The following INPP4B variants were observed in gnomAD, a reference collection of about 807,000 sequenced individuals.
The protein encoded by INPP4B is inositol polyphosphate-4-phosphatase type II B.
INPP4B carries 55 observed loss-of-function variants against 122.5 expected under a neutral mutation model. The ratio of observed to expected loss-of-function variants is 0.45; its 90% CI spans 0.36 to 0.56. The LOEUF is 0.56. Ranked by LOEUF, INPP4B falls within the 20% of genes least tolerant of loss-of-function variation. The pLI is 0.00. For synonymous variants in INPP4B, 403 were observed against 388.7 expected (o/e 1.04, Z -0.43); for missense variants, 1,000 against 1,097.7 (o/e 0.91, Z 1.26).
chr4:142,516,773 T>C (rs1185908483), intron 2 of INPP4B, among the ~76,000 whole-genome samples: 1 of 151,818 alleles, frequency 6.6e-6, no homozygotes, highest in Non-Finnish European at 1.5e-5. Flanking sequence ...TTGTTTTTTT[T>C]TTTCCCCCAG....
intron 2 of INPP4B, among the ~76,000 whole-genome samples, chr4:142,633,076 C>A (rs1227233022): frequency 6.6e-6 from 1 of 151,764 alleles, no homozygotes; most frequent in Non-Finnish European, 1.5e-5. Flanking sequence ...TGCAAATAAT[C>A]TCAAAATAAT....
intron 2 of INPP4B, among the ~76,000 whole-genome samples, chr4:142,475,616 C>G (rs1277883915): frequency 6.6e-6 from 1 of 151,976 alleles, no homozygotes; most frequent in Non-Finnish European, 1.5e-5. Flanking sequence ...GGTACAGAAA[C>G]TAGAAGGTAA....
At chr4:142,210,179 A>G (rs1844310656) in intron 12 of INPP4B, among the ~76,000 whole-genome samples, 1 of 152,228 alleles carries the variant, frequency 6.6e-6, no homozygotes, top group Admixed American at 6.5e-5. Flanking sequence ...CATGCTAAAT[A>G]CCAAGCTAAT....
intron 11 of INPP4B, among the ~76,000 whole-genome samples, chr4:142,251,430 A>G (rs1579450771): frequency 6.6e-6 from 1 of 152,324 alleles, no homozygotes; most frequent in East Asian, 1.9e-4. Context: ...GTCAACTTTC[A>G]GGTGAAAAAC....
chr4:142,195,735 G>A (rs975318182), intron 14 of INPP4B, among the ~76,000 whole-genome samples: 6 of 152,108 alleles, frequency 3.9e-5, no homozygotes, highest in Non-Finnish European at 8.8e-5. Flanking sequence ...GAAGGAAAAG[G>A]GAGGGGAAAT....
chr4:142,130,195 G>A (rs1204816742), intron 18 of INPP4B, among the ~76,000 whole-genome samples: 1 of 152,214 alleles, frequency 6.6e-6, no homozygotes, highest in East Asian at 1.9e-4. Context: ...TGCCTGGACT[G>A]CAGGTAGTAG....
chr4:142,599,067 G>C (rs192645390), intron 2 of INPP4B, among the ~76,000 whole-genome samples: 20 of 152,248 alleles, frequency 1.3e-4, no homozygotes, highest in Admixed American at 7.8e-4. Context: ...TGTCAGTAGT[G>C]ACGCCATACC....
intron 15 of INPP4B, among the ~76,000 whole-genome samples, chr4:142,187,452 G>T (rs1302267696): frequency 2.6e-5 from 4 of 151,980 alleles, no homozygotes; most frequent in African/African-American, 9.7e-5. Flanking sequence ...GAAACACAAA[G>T]ATGAAAGTTG....
intron 15 of INPP4B, among the ~76,000 whole-genome samples, chr4:142,191,473 C>A (rs1397770992): frequency 6.6e-6 from 1 of 152,180 alleles, no homozygotes; most frequent in Non-Finnish European, 1.5e-5. Context: ...ATTCCATGGG[C>A]AAAACCCTGT....
chr4:142,751,459 A>T (rs1165294734), intron 1 of INPP4B, among the ~76,000 whole-genome samples: 1 of 150,554 alleles, frequency 6.6e-6, no homozygotes, highest in African/African-American at 2.4e-5. Flanking sequence ...GTAAGATATA[A>T]AAGCATCTCC....
intron 21 of INPP4B, among the ~76,000 whole-genome samples, chr4:142,116,529 T>C (rs548681386): frequency 3.1e-4 from 47 of 152,102 alleles, no homozygotes; most frequent in African/African-American, 6.5e-4. Context: ...TGCTTGACTA[T>C]GTGGAAACTG....
At chr4:142,521,646 G>C (rs978040230) in intron 2 of INPP4B, among the ~76,000 whole-genome samples, 11 of 152,060 alleles carry the variant, frequency 7.2e-5, no homozygotes, top group African/African-American at 2.4e-4. Flanking sequence ...CTTCTTCAGA[G>C]ATTACCAGTA....
chr4:142,574,142 A>G, intron 2 of INPP4B, among the ~76,000 whole-genome samples: 1 of 152,042 alleles, frequency 6.6e-6, no homozygotes, highest in East Asian at 1.9e-4. Context: ...AGACATTACA[A>G]AATTTGGACT....
chr4:142,679,984 T>G (rs1376517239), intron 2 of INPP4B, among the ~76,000 whole-genome samples: 3 of 151,832 alleles, frequency 2.0e-5, no homozygotes, highest in Non-Finnish European at 4.4e-5. Flanking sequence ...CAACTCTTAG[T>G]GAAGACCTGG....
chr4:142,787,910 T>C lies in INPP4B; in HGVS notation c.-254+58299A>G, dbSNP rs541506477. Among the ~76,000 whole-genome samples the C allele has an allele frequency of 1.6e-3, 239 of 148,692 alleles. 1 individual carries two copies. The highest frequency in any genetic ancestry group is 2.8e-3 in the Non-Finnish European group (187 of 66,992). Reference sequence around the variant, plus strand: ...AGAAAATAGGTCACCGAGAAACTAGTGCAAGATTTAGAGAGGTGGAGGGGG... The same window carrying C: ...AGAAAATAGGTCACCGAGAAACTAGCGCAAGATTTAGAGAGGTGGAGGGGG... On this transcript the variant is annotated intron_variant, in intron 1 of 25. Coordinates refer to ENST00000262992, the MANE Select transcript of INPP4B (RefSeq NM_001101669.3).
chr4:142,641,350 A>T (rs1225744697), intron 2 of INPP4B, among the ~76,000 whole-genome samples: 1 of 152,038 alleles, frequency 6.6e-6, no homozygotes, highest in African/African-American at 2.4e-5. Flanking sequence ...TACATGTGCC[A>T]TGTAGGTGTG....
rs150097546 is a variant in INPP4B at position 142,241,643 on chromosome 4, A to G, written c.689-3632T>C. ...GCCAAGGAAATGTTCAACAGAGCCA[A>G]CACAGATAGAAAAGACTGTTGCTCA... On this transcript the variant is annotated intron_variant, in intron 11 of 25. Coordinates refer to ENST00000262992, the MANE Select transcript of INPP4B (RefSeq NM_001101669.3). 5.2e-4 allele frequency among the ~76,000 whole-genome samples: 79 copies of G among 152,320 alleles called. 1 individual carries two copies. Among genetic ancestry groups the G allele is most frequent in the Middle Eastern group, 6.8e-3 (2 of 294 alleles).
intron 5 of INPP4B, among the ~76,000 whole-genome samples, chr4:142,409,049 C>G (rs1310060584): frequency 6.6e-6 from 1 of 152,112 alleles, no homozygotes; most frequent in Non-Finnish European, 1.5e-5. Context: ...ATTACTTTTG[C>G]TATGGTAACT....
intron 17 of INPP4B, among the ~76,000 whole-genome samples, chr4:142,158,232 T>C (rs1208020024): frequency 2.0e-5 from 3 of 152,154 alleles, no homozygotes; most frequent in Non-Finnish European, 4.4e-5. Flanking sequence ...CTTGAATGAT[T>C]AACTTATACT....
Sources: gnomAD v4.1 joint callset for allele counts (sites outside exome capture counted in the v4.1 genomes callset) on GRCh38, gnomAD v4.1.1 for gene constraint, MANE v1.5 for transcripts, NCBI Gene and HGNC (gene_info 2026-07-23, HGNC 2026-07-21) for gene names.